SOX5: variants seen among roughly 807,000 people sequenced by gnomAD.
SOX5 encodes transcription factor SOX-5.
A neutral mutation model predicts 92.0 loss-of-function variants in SOX5; 9 were observed. The observed-to-expected ratio is 0.10, with a 90% CI of 0.06 to 0.17. The LOEUF (loss-of-function observed/expected upper bound fraction) is 0.17, where lower values mean the gene tolerates loss of function less well. Among genes scored for constraint, SOX5 ranks in the 10% least tolerant of loss-of-function variants. The pLI is 1.00. For synonymous variants in SOX5, 344 were observed against 336.3 expected (o/e 1.02, Z -0.25); for missense variants, 642 against 944.5 (o/e 0.68, Z 4.20).
intron 1 of SOX5, among the ~76,000 whole-genome samples, chr12:24,463,635 C>T (rs990111057): frequency 2.6e-5 from 4 of 152,124 alleles, no homozygotes; most frequent in African/African-American, 7.2e-5. Context: ...GAAGCAGATG[C>T]GATCTACGGA....
chr12:23,929,018 T>G (rs1940758818), intron 1 of SOX5, among the ~76,000 whole-genome samples: 1 of 123,170 alleles, frequency 8.1e-6, no homozygotes, highest in Non-Finnish European at 1.9e-5. Flanking sequence ...ACTGCTCTGG[T>G]AGTGTTTTTT....
At chr12:24,264,070 T>C (rs1942657708) in intron 3 of SOX5, among the ~76,000 whole-genome samples, 1 of 152,156 alleles carries the variant, frequency 6.6e-6, no homozygotes, top group African/African-American at 2.4e-5. Context: ...GACATGACTT[T>C]TTTCTTTTTA....
At chr12:23,639,384 T>C (rs369265430) in intron 8 of SOX5, among the ~76,000 whole-genome samples, 2 of 152,076 alleles carry the variant, frequency 1.3e-5, no homozygotes, top group South Asian at 4.1e-4. Context: ...TCATCGCTAA[T>C]CCAATGGTCA....
chr12:24,084,863 GTTATC>G (rs1943778333), intron 4 of SOX5, among the ~76,000 whole-genome samples: 1 of 152,020 alleles, frequency 6.6e-6, no homozygotes, highest in South Asian at 2.1e-4. Context: ...CTTAACTATA[GTTATC>G]TTTTTACTAA....
At chr12:23,706,574 A>G (rs2091420230) in intron 6 of SOX5, among the ~76,000 whole-genome samples, 2 of 152,094 alleles carry the variant, frequency 1.3e-5, no homozygotes, top group African/African-American at 2.4e-5. Context: ...AGGTAAAAAA[A>G]CATTAAAATA....
intron 2 of SOX5, among the ~76,000 whole-genome samples, chr12:23,882,769 A>G (rs955659406): frequency 1.3e-5 from 2 of 152,222 alleles, no homozygotes; most frequent in African/African-American, 4.8e-5. Flanking sequence ...CAAGATTTAA[A>G]TAAGGAAAAT....
At chr12:24,068,811 A>G (rs1941317434) in intron 4 of SOX5, among the ~76,000 whole-genome samples, 1 of 148,580 alleles carries the variant, frequency 6.7e-6, no homozygotes, top group Non-Finnish European at 1.5e-5. Flanking sequence ...TCACCACTAT[A>G]TACATAAGGC....
chr12:24,493,555 A>C (rs1000620951), intron 1 of SOX5, among the ~76,000 whole-genome samples: 1 of 152,190 alleles, frequency 6.6e-6, no homozygotes, highest in African/African-American at 2.4e-5. Flanking sequence ...TGTAAATGTA[A>C]GACTCTCTGA....
intron 2 of SOX5, among the ~76,000 whole-genome samples, chr12:24,327,524 T>C (rs1373873433): frequency 6.6e-6 from 1 of 150,384 alleles, no homozygotes; most frequent in Non-Finnish European, 1.5e-5. Context: ...CAAGCAATTG[T>C]CCTACCTCAG....
intron 4 of SOX5, among the ~76,000 whole-genome samples, chr12:24,110,541 G>A (rs1947197573): frequency 6.6e-6 from 1 of 152,110 alleles, no homozygotes; most frequent in African/African-American, 2.4e-5. Flanking sequence ...ATCTCTGTAA[G>A]GAATGTATTA....
chr12:23,639,948 T>C (rs1013765064), intron 8 of SOX5, among the ~76,000 whole-genome samples: 6 of 152,228 alleles, frequency 3.9e-5, no homozygotes, highest in African/African-American at 1.4e-4. Context: ...TCTGGCTTCA[T>C]AGGCATACTG....
intron 3 of SOX5, among the ~76,000 whole-genome samples, chr12:23,778,483 A>G (rs1467264291): frequency 6.6e-6 from 1 of 152,224 alleles, no homozygotes; most frequent in African/African-American, 2.4e-5. Flanking sequence ...TCAAAAGCCA[A>G]AAGAAGTTTG....
chr12:23,557,652 A>G (rs944477259), intron 11 of SOX5, among the ~76,000 whole-genome samples: 3 of 152,156 alleles, frequency 2.0e-5, no homozygotes, highest in Non-Finnish European at 4.4e-5. Context: ...GTGTCATTCA[A>G]TTCTTTGTGA....
intron 6 of SOX5, among the ~76,000 whole-genome samples, chr12:23,692,539 G>A (rs2089052199): frequency 6.6e-6 from 1 of 151,832 alleles, no homozygotes; most frequent in African/African-American, 2.4e-5. Context: ...TTCTACAACA[G>A]TTCCTGAGAC....
chr12:23,901,531 T>C (rs1466493248), intron 1 of SOX5, among the ~76,000 whole-genome samples: 2 of 152,244 alleles, frequency 1.3e-5, no homozygotes, highest in Non-Finnish European at 2.9e-5. Flanking sequence ...TCTTCCTCTC[T>C]TCATTTAGTT....
chr12:24,095,217 A>G (rs952083571), intron 4 of SOX5, among the ~76,000 whole-genome samples: 1 of 151,758 alleles, frequency 6.6e-6, no homozygotes, highest in African/African-American at 2.4e-5. Context: ...ATTATTGCAG[A>G]AAAAAATGGA....
rs1419665392 is a variant in SOX5 at position 24,393,791 on chromosome 12, AAATTTAAGACT to A, written c.-250-25163_-250-25153del. ...GTTTCCCATCTTCAAAGAAGTGGGGAAATTTAAGACTACATATTACATATGCAATACAACAC... is the reference window on the plus strand; with the variant it reads ...GTTTCCCATCTTCAAAGAAGTGGGGAACATATTACATATGCAATACAACAC... On this transcript the variant is annotated intron_variant, in intron 1 of 4. Coordinates refer to the SOX5 transcript ENST00000446891. This position sits in a 1 kb window ranked among gnomAD's most constrained non-coding sequence, Gnocchi z 5.0. Among the ~76,000 whole-genome samples the A allele has an allele frequency of 6.6e-6, 1 of 152,194 alleles. No individual in the cohort carries two copies. Among genetic ancestry groups the A allele is most frequent in the Admixed American group, 6.5e-5 (1 of 15,274 alleles).
chr12:23,729,062 C>T (rs1171667226), intron 6 of SOX5, among the ~76,000 whole-genome samples: 3 of 150,610 alleles, frequency 2.0e-5, no homozygotes, highest in African/African-American at 7.3e-5. Flanking sequence ...AAGTTCTCCT[C>T]TTGCTGGAAA....
At chr12:23,997,572 T>A (rs1951155241) in intron 4 of SOX5, among the ~76,000 whole-genome samples, 1 of 152,166 alleles carries the variant, frequency 6.6e-6, no homozygotes, top group South Asian at 2.1e-4. Context: ...CGTGGAGAGA[T>A]TCCTAGCCAT....
Sources: gnomAD v4.1 joint callset for allele counts (sites outside exome capture counted in the v4.1 genomes callset) on GRCh38, gnomAD v4.1.1 for gene constraint, Gnocchi (gnomAD v3.1) non-coding constraint, MANE v1.5 for transcripts, NCBI Gene and HGNC (gene_info 2026-07-23, HGNC 2026-07-21) for gene names.